OGG1: variants seen among roughly 807,000 people sequenced by gnomAD.
The protein encoded by OGG1 is 8-oxoguanine DNA glycosylase.
OGG1 carries 35 observed loss-of-function variants against 42.3 expected under a neutral mutation model. The observed-to-expected ratio is 0.83, with a 90% CI of 0.63 to 1.10. The LOEUF is 1.10. Among genes scored for constraint, OGG1 ranks in the 50% least tolerant of loss-of-function variants. OGG1 has a pLI of 0.00. For missense variants in OGG1, 484 were observed against 446.7 expected, an observed-to-expected ratio of 1.08 and a Z score of -0.75; for synonymous variants, 189 against 179.0, an observed-to-expected ratio of 1.06 and a Z score of -0.44.
intron 3 of OGG1, among the ~76,000 whole-genome samples, chr3:9,754,079 G>A (rs1376122674): frequency 6.6e-6 from 1 of 152,214 alleles, no homozygotes; most frequent in Non-Finnish European, 1.5e-5. Context: ...GGTCAAGGCT[G>A]TAGTGAACTG....
chr3:9,778,169 T>C (rs981881394), intron 2 of OGG1, among the ~76,000 whole-genome samples: 3 of 152,244 alleles, frequency 2.0e-5, no homozygotes, highest in Non-Finnish European at 4.4e-5. Context: ...CAATGCCTGG[T>C]GCATACTAAC....
chr3:9,770,393 G>A (rs2078275433), downstream of OGG1, among the ~76,000 whole-genome samples: 1 of 152,126 alleles, frequency 6.6e-6, no homozygotes, highest in Admixed American at 6.5e-5. Context: ...GGGGGATGGG[G>A]GAGTGAGGGA....
chr3:9,756,937 G>A, intron 6 of OGG1, 121 bp downstream of exon 6: 1 of 1,611,984 alleles, frequency 6.2e-7, no homozygotes, highest in Non-Finnish European at 8.5e-7. Flanking sequence ...CCCAACCCCA[G>A]TGGATTCTCA....
chr3:9,768,328 A>G (rs2078213119), downstream of OGG1, among the ~76,000 whole-genome samples: 1 of 152,178 alleles, frequency 6.6e-6, no homozygotes, highest in Non-Finnish European at 1.5e-5. Context: ...CAGCAACAAC[A>G]GCCACAGCTG....
chr3:9,752,820 G>C (rs1303705563), intron 3 of OGG1, among the ~76,000 whole-genome samples: 1 of 152,134 alleles, frequency 6.6e-6, no homozygotes, highest in African/African-American at 2.4e-5. Context: ...GGAGGTCGAG[G>C]CAGGCAGATC....
downstream of OGG1, chr3:9,759,860 CA>C: frequency 6.3e-7 from 1 of 1,587,454 alleles, no homozygotes; most frequent in Non-Finnish European, 8.6e-7. Flanking sequence ...ACAAAGAGGC[CA>C]AATCAGTCCA....
At chr3:9,761,397 G>T, downstream of OGG1, 1 of 1,525,302 alleles carries the variant, frequency 6.6e-7, no homozygotes, top group South Asian at 1.2e-5. Flanking sequence ...GAGGAAGGAA[G>T]AGAGGAAAGT....
At chr3:9,752,773 G>A (rs748186855) in intron 3 of OGG1, among the ~76,000 whole-genome samples, 67 of 152,182 alleles carry the variant, frequency 4.4e-4, no homozygotes, top group Non-Finnish European at 6.9e-4. Flanking sequence ...ATTCCTGGCC[G>A]GGCGTGGTGG....
intron 3 of OGG1, 129 bp from the exon 4 acceptor site, chr3:9,754,573 CAT>C (rs1491192413): frequency 2.5e-5 from 23 of 927,158 alleles, no homozygotes; most frequent in Non-Finnish European, 3.7e-5. Context: ...TCCACTATCC[CAT>C]AGAGGGTGGG....
chr3:9,762,170 A>C (rs775407381), downstream of OGG1: 10 of 166,198 alleles, frequency 6.0e-5, no homozygotes, highest in Non-Finnish European at 1.2e-4. Context: ...AGGCAGTAGC[A>C]GAGCCAGAAT....
At chr3:9,787,536 A>C (rs2078644574) in intron 3 of OGG1, 1 of 989,260 alleles carries the variant, frequency 1.0e-6, no homozygotes, top group African/African-American at 1.6e-5. Context: ...AGGTCCAAAA[A>C]GAACTAAGAC....
chr3:9,787,851 C>A, exon 4 of OGG1: 1 of 563,236 alleles, frequency 1.8e-6, no homozygotes, highest in Non-Finnish European at 3.0e-6. Flanking sequence ...GTGGAGGTAA[C>A]ATGAGATCAG....
rs1301897056 is a variant in OGG1, at chr3:9,750,162, G to C, written c.-125G>C. ...GGAATTAAGTGAAACAGGGAAGGTT[G>C]TTAAACAGCACCGTGTGGGCGAGGC... is the stretch of plus-strand genomic sequence containing the variant. On this transcript the variant is annotated 5_prime_UTR_variant, in exon 1 of 7. Transcript: ENST00000344629. 5.5e-6 allele frequency: 7 copies of C among 1,263,402 alleles called. No homozygotes were observed. Among genetic ancestry groups the C allele is most frequent in the African/African-American group, 1.5e-5 (1 of 67,012 alleles). 78.3% of individuals were successfully genotyped at this position (1,263,402 alleles called of 1,614,324 possible).
At chr3:9,761,412 G>C (rs539428579), downstream of OGG1, 1 of 1,562,558 alleles carries the variant, frequency 6.4e-7, no homozygotes, top group Non-Finnish European at 8.7e-7. Context: ...GAAAGTAGGC[G>C]AGAGGACAAC....
chr3:9,778,420 T>C (rs575198555), intron 2 of OGG1, among the ~76,000 whole-genome samples: 1 of 152,330 alleles, frequency 6.6e-6, no homozygotes, highest in African/African-American at 2.4e-5. Context: ...CCTTTTTTAG[T>C]TACAAATCAC....
At chr3:9,766,023 C>T in exon 8 of OGG1, 1 of 1,613,240 alleles carries the variant, frequency 6.2e-7, no homozygotes, top group Non-Finnish European at 8.5e-7. Flanking sequence ...GTCACTCATC[C>T]ATCCCCTGGC....
At chr3:9,760,517 G>C (rs2077804870), downstream of OGG1, 1 of 764,454 alleles carries the variant, frequency 1.3e-6, no homozygotes, top group South Asian at 1.6e-5. Flanking sequence ...GAAGGGGTAG[G>C]GTGTCTGGTC....
downstream of OGG1, among the ~76,000 whole-genome samples, chr3:9,770,793 AG>A (rs923764826): frequency 9.1e-6 from 1 of 109,836 alleles, no homozygotes; most frequent in Non-Finnish European, 1.9e-5. Context: ...GAGTGGAAAG[AG>A]GGGGCGGGGG....
chr3:9,787,761 A>AAG, exon 4 of OGG1: 1 of 1,240,904 alleles, frequency 8.1e-7, no homozygotes, highest in African/African-American at 1.5e-5. Flanking sequence ...AGTGAAGTGA[A>AAG]AGAGAGAGAT....
Sources: allele counts gnomAD v4.1 joint callset (sites outside exome capture counted in the v4.1 genomes callset), GRCh38; gene constraint gnomAD v4.1.1; transcripts MANE v1.5; gene names NCBI Gene and HGNC (gene_info 2026-07-23, HGNC 2026-07-21).